ZBTB43: variants seen among roughly 807,000 people sequenced by gnomAD.
The protein encoded by ZBTB43 is zinc finger and BTB domain containing 43.
ZBTB43 carries 6 observed loss-of-function variants against 31.1 expected under a neutral mutation model. That is an observed-to-expected ratio of 0.19 (90% confidence interval 0.11 to 0.38). The LOEUF is 0.38. ZBTB43 is among the 10% of genes least tolerant of loss of function. ZBTB43 has a pLI of 1.00. For synonymous variants in ZBTB43, 212 were observed against 221.7 expected (o/e 0.96, Z 0.39); for missense variants, 379 against 602.1 (o/e 0.63, Z 3.88).
intron 2 of ZBTB43, among the ~76,000 whole-genome samples, chr9:126,811,964 A>G (rs557805208): frequency 2.0e-5 from 3 of 152,226 alleles, no homozygotes; most frequent in Non-Finnish European, 4.4e-5. Context: ...GACATAATTC[A>G]TAAGTAATAA....
At chr9:126,812,507 G>A (rs1026975029) in intron 2 of ZBTB43, among the ~76,000 whole-genome samples, 1 of 152,136 alleles carries the variant, frequency 6.6e-6, no homozygotes, top group Admixed American at 6.5e-5. Context: ...TTCCACAGTA[G>A]CTGTACCATT....
intron 2 of ZBTB43, among the ~76,000 whole-genome samples, chr9:126,816,961 C>T (rs889441394): frequency 6.6e-6 from 1 of 152,130 alleles, no homozygotes; most frequent in Non-Finnish European, 1.5e-5. Context: ...TGCCAGTCTG[C>T]AGGACCTGTC....
intron 2 of ZBTB43, among the ~76,000 whole-genome samples, chr9:126,821,860 A>G (rs1393380468): frequency 6.6e-6 from 1 of 152,020 alleles, no homozygotes; most frequent in Non-Finnish European, 1.5e-5. Context: ...TTCCTAAAAC[A>G]TGAGATTTTT....
At position 126,837,163 on chromosome 9, in the gene ZBTB43, A is replaced by G. The variant is rs1177452755; in HGVS notation, c.*3250A>G. 6.0e-6 allele frequency: 1 copy of G among 167,010 alleles called. No homozygotes were observed. Among genetic ancestry groups the G allele is most frequent in the Non-Finnish European group, 1.5e-5 (1 of 68,112 alleles). 10.3% of individuals were successfully genotyped at this position (167,010 alleles called of 1,614,324 possible). On this transcript the variant is annotated 3_prime_UTR_variant, in exon 3 of 3. Coordinates refer to ENST00000373464, the MANE Select transcript of ZBTB43 (RefSeq NM_014007.4). ...TTTTACCTTTAGATACACACGTTAC[A>G]GTAATCCACGTGGTGAAGTGCATGT...
At chr9:126,804,102 G>C (rs913196786), upstream of ZBTB43, among the ~76,000 whole-genome samples, 5 of 152,142 alleles carry the variant, frequency 3.3e-5, no homozygotes, top group African/African-American at 1.2e-4. Context: ...AGGGCACTTG[G>C]TCTGTAAACG....
intron 2 of ZBTB43, among the ~76,000 whole-genome samples, chr9:126,811,279 T>TA (rs556729880): frequency 6.9e-4 from 104 of 151,808 alleles, no homozygotes; most frequent in Non-Finnish European, 1.4e-3. Flanking sequence ...TCTTAAGCTA[T>TA]AGTGGGCCTG....
chr9:126,833,637 G>A lies in ZBTB43; in HGVS notation c.1128G>A (p.Gln376=). The stretch of plus-strand genomic sequence containing the variant: ...CCACTGACAAGCTGTATCCTTGTCA[G>A]TGTGGGAAAAGTTTCACTCACAAGA... ...FSATDKLYPC[Q]CGKSFTHKSQ... is the part of the protein sequence containing the mutation. The change falls in exon 3 of 3, where the codon CAG becomes CAA. Residue 376 remains glutamine (Q), a synonymous_variant. Coordinates refer to ENST00000373464, the MANE Select transcript of ZBTB43 (RefSeq NM_014007.4). The surrounding 1 kb of genome is among the most constrained non-coding windows in gnomAD (Gnocchi z 7.9). 6.2e-7 allele frequency: 1 copy of A among 1,613,648 alleles called. No homozygotes were observed. The highest frequency in any genetic ancestry group is 1.1e-5 in the South Asian group (1 of 91,074).
intron 2 of ZBTB43, among the ~76,000 whole-genome samples, chr9:126,816,992 G>C (rs940235589): frequency 6.6e-6 from 1 of 151,916 alleles, no homozygotes; most frequent in African/African-American, 2.4e-5. Context: ...TTTTAGCTCT[G>C]GGACTCCCAA....
chr9:126,831,233 A>G (rs113702225), intron 2 of ZBTB43, among the ~76,000 whole-genome samples: 1,842 of 152,188 alleles, frequency 0.012, 44 homozygotes, highest in African/African-American at 0.041. Context: ...GCAATTGCCA[A>G]ATGCATTCCT....
intron 2 of ZBTB43, 61 bp from the exon 3 acceptor site, chr9:126,832,426 A>G (rs2032783895): frequency 4.9e-6 from 7 of 1,443,276 alleles, no homozygotes; most frequent in Non-Finnish European, 6.5e-6. Flanking sequence ...ACAATGGAGG[A>G]GGGGATAAAA....
In ZBTB43 at chr9:126,833,175, C is replaced by T. The variant is rs142613386; in HGVS notation, c.666C>T (p.Ser222=). Residue 222 remains serine, a synonymous_variant, in exon 3 of 3, where the codon AGC becomes AGT. Transcript: ENST00000373464. This position sits in a 1 kb window ranked among gnomAD's most constrained non-coding sequence, Gnocchi z 7.9. The stretch of plus-strand genomic sequence containing the variant: ...ATGGGGAGGAGGGCGCCAGCGACAG[C>T]GCCGAGTTCCACTACACCCGGCCCA... ...SQDGEEGASD[S]AEFHYTRPMY... The T allele has an allele frequency of 1.7e-5, 27 of 1,613,658 alleles. 1 individual carries two copies. The Middle Eastern group carries it at 8.2e-4, about 49-fold the overall frequency.
At chr9:126,830,925 C>T (rs1056689006) in intron 2 of ZBTB43, among the ~76,000 whole-genome samples, 2 of 152,054 alleles carry the variant, frequency 1.3e-5, no homozygotes, top group Non-Finnish European at 2.9e-5. Flanking sequence ...GTCTTCTGAT[C>T]GACTCTGTTC....
intron 2 of ZBTB43, among the ~76,000 whole-genome samples, chr9:126,826,479 T>TTG (rs1718523878): frequency 7.8e-6 from 1 of 128,560 alleles, no homozygotes; most frequent in Non-Finnish European, 1.5e-5. Flanking sequence ...TTTTTTTTTT[T>TTG]TTGAGACAGA....
intron 2 of ZBTB43, among the ~76,000 whole-genome samples, chr9:126,823,237 C>T (rs2032553660): frequency 1.3e-5 from 2 of 152,054 alleles, no homozygotes; most frequent in African/African-American, 4.8e-5. Context: ...ATAGAACTGT[C>T]TATTCCTTCC....
upstream of ZBTB43, among the ~76,000 whole-genome samples, chr9:126,804,152 T>G (rs187447657): frequency 1.3e-5 from 2 of 152,048 alleles, no homozygotes; most frequent in Non-Finnish European, 2.9e-5. Flanking sequence ...GACCTATCTC[T>G]CTTCTACACT....
At chr9:126,806,383 C>T (rs1322435855) in intron 1 of ZBTB43, among the ~76,000 whole-genome samples, 1 of 152,098 alleles carries the variant, frequency 6.6e-6, no homozygotes, top group African/African-American at 2.4e-5. Flanking sequence ...AGAAATAAAC[C>T]ACACACAAAA....
At chr9:126,826,013 A>ATTT (rs35825124) in intron 2 of ZBTB43, among the ~76,000 whole-genome samples, 4 of 121,014 alleles carry the variant, frequency 3.3e-5, no homozygotes, top group Non-Finnish European at 5.1e-5. Context: ...TGCCCAGCCA[A>ATTT]TTTTTTTTTT....
At chr9:126,809,677 TC>T (rs1258645047) in intron 2 of ZBTB43, among the ~76,000 whole-genome samples, 2 of 152,162 alleles carry the variant, frequency 1.3e-5, no homozygotes, top group Non-Finnish European at 2.9e-5. Flanking sequence ...GTCATCTAGT[TC>T]AGGATTTCTT....
At chr9:126,828,654 A>AATAATAATTATTATT (rs1554742744) in intron 2 of ZBTB43, among the ~76,000 whole-genome samples, 14 of 127,722 alleles carry the variant, frequency 1.1e-4, no homozygotes, top group African/African-American at 3.8e-4. Flanking sequence ...TAATAATAAT[A>AATAATAATTATTATT]ATTATTATTA....
Sources: gnomAD v4.1 joint callset for allele counts (sites outside exome capture counted in the v4.1 genomes callset) on GRCh38, gnomAD v4.1.1 for gene constraint, Gnocchi (gnomAD v3.1) non-coding constraint, MANE v1.5 for transcripts, NCBI Gene and HGNC (gene_info 2026-07-23, HGNC 2026-07-21) for gene names.